WDR49: variants seen among roughly 807,000 people sequenced by gnomAD.
WDR49 encodes cilia- and flagella-associated protein 337.
Under a neutral mutation model 119.5 loss-of-function variants are expected in WDR49, and 107 were observed. The observed-to-expected ratio is 0.90, with a 90% CI of 0.77 to 1.05. The LOEUF (loss-of-function observed/expected upper bound fraction) is 1.05, where lower values mean the gene tolerates loss of function less well. Among genes scored for constraint, WDR49 ranks in the 50% least tolerant of loss-of-function variants. The pLI is 0.00. For missense variants in WDR49, 1,240 were observed against 1,220.5 expected (o/e 1.02, Z -0.24); for synonymous variants, 425 against 418.8 (o/e 1.01, Z -0.18).
Position 167,525,858 on chromosome 3 carries a change from C to CA in WDR49, c.2604+1961dup, listed in dbSNP as rs199969104. ...TTTTTTTGTTAAACAAACAAACAAA[C>CA]AACAAAAAAAAACTTCCCTTTTCTC... On this transcript the variant is annotated intron_variant, in intron 15 of 18. Transcript: ENST00000682715. Among the ~76,000 whole-genome samples, 209 of 6,856 alleles carry CA rather than the reference C, an allele frequency of 0.03. 4 individuals are homozygous for CA. The East Asian group carries it at 0.45, about 15-fold the overall frequency. The allele number at this position is 6,856 out of a possible 152,430, so 4.5% of individuals were successfully genotyped here. A position where few individuals can be genotyped will look rare whatever the true frequency, so the allele number is the denominator to read the frequency against.
At chr3:167,613,677 G>T (rs1716454432) in intron 5 of WDR49, among the ~76,000 whole-genome samples, 1 of 152,164 alleles carries the variant, frequency 6.6e-6, no homozygotes, top group South Asian at 2.1e-4. Flanking sequence ...GGTTGTGGTG[G>T]CTCACACCTG....
At chr3:167,650,097 C>T (rs1261873564) in intron 2 of WDR49, among the ~76,000 whole-genome samples, 3 of 152,058 alleles carry the variant, frequency 2.0e-5, no homozygotes, top group Non-Finnish European at 4.4e-5. Context: ...CACTCAGAAC[C>T]TACATAGCCA....
At chr3:167,612,771 T>A (rs1186813668) in intron 5 of WDR49, among the ~76,000 whole-genome samples, 1 of 151,112 alleles carries the variant, frequency 6.6e-6, no homozygotes, top group African/African-American at 2.5e-5. Flanking sequence ...TGGGAAGAAA[T>A]CTTGTGTTAA....
intron 2 of WDR49, among the ~76,000 whole-genome samples, chr3:167,635,601 A>G (rs1028016524): frequency 6.6e-6 from 1 of 151,724 alleles, no homozygotes; most frequent in East Asian, 1.9e-4. Context: ...ACAAGATAAA[A>G]GTCCCAGTTT....
At position 167,602,259 on chromosome 3, in the gene WDR49, G is replaced by A; in HGVS notation, c.1143C>T (p.Asn381=). 1 of 1,581,076 alleles carries A rather than the reference G, an allele frequency of 6.3e-7. No individual in the cohort carries two copies. Among genetic ancestry groups the A allele is most frequent in the Non-Finnish European group, 8.6e-7 (1 of 1,157,304 alleles). Residue 381 remains asparagine, a synonymous_variant, in exon 7 of 19, where the codon AAC becomes AAT. Coordinates refer to ENST00000682715, the MANE Select transcript of WDR49 (RefSeq NM_001366157.1). ...AGGGATTCCAAAGGCAAACTTTATT[G>A]TTAATGCCAGCAGTTGCTAATCAGA... is the stretch of plus-strand genomic sequence containing the variant. ...RLNLIATAGI[N]NKVCLWNPYV...
chr3:167,578,684 G>A (rs963692516), intron 7 of WDR49, among the ~76,000 whole-genome samples: 12 of 152,058 alleles, frequency 7.9e-5, no homozygotes, highest in Admixed American at 3.3e-4. Context: ...TCTGCTTTAA[G>A]CAAGTCATCC....
At chr3:167,494,923 T>C (rs1751292567) in intron 18 of WDR49, among the ~76,000 whole-genome samples, 2 of 152,164 alleles carry the variant, frequency 1.3e-5, no homozygotes, top group African/African-American at 4.8e-5. Flanking sequence ...AAATCAGAAG[T>C]GGACTAAGCC....
chr3:167,517,043 T>C (rs915092244), intron 16 of WDR49, among the ~76,000 whole-genome samples: 2 of 152,074 alleles, frequency 1.3e-5, no homozygotes, highest in African/African-American at 4.8e-5. Flanking sequence ...GTTAGAATGG[T>C]GAGCATTAAA....
At chr3:167,491,684 C>G (rs902636492) in intron 18 of WDR49, among the ~76,000 whole-genome samples, 6 of 152,136 alleles carry the variant, frequency 3.9e-5, no homozygotes, top group African/African-American at 1.4e-4. Flanking sequence ...AAAGATTTTA[C>G]AGATACAATG....
At chr3:167,500,131 T>A in intron 18 of WDR49, 22 bp downstream of exon 18, 2 of 1,540,072 alleles carry the variant, frequency 1.3e-6, no homozygotes, top group Non-Finnish European at 1.7e-6. Context: ...ATAATAGAGG[T>A]GTATGATGGC....
intron 11 of WDR49, among the ~76,000 whole-genome samples, chr3:167,535,659 T>C (rs938944906): frequency 2.0e-5 from 3 of 152,122 alleles, no homozygotes; most frequent in African/African-American, 7.2e-5. Context: ...GAATGTAAAT[T>C]AGTATAGCCT....
chr3:167,497,132 C>A (rs1259364521), intron 18 of WDR49, among the ~76,000 whole-genome samples: 1 of 152,124 alleles, frequency 6.6e-6, no homozygotes, highest in Admixed American at 6.6e-5. Flanking sequence ...CAGAATGAAT[C>A]GAACTTTTTT....
rs1717157584 is a variant in WDR49, at chr3:167,626,958, C to A, written c.500G>T (p.Trp167Leu). 3 of 1,331,630 alleles carry A rather than the reference C, an allele frequency of 2.3e-6. No individual in the cohort carries two copies. Among genetic ancestry groups the A allele is most frequent in the Non-Finnish European group, 2.9e-6 (3 of 1,042,328 alleles). The allele number at this position is 1,331,630 out of a possible 1,614,324, so 82.5% of individuals were successfully genotyped here. A position where few individuals can be genotyped will look rare whatever the true frequency, so the allele number is the denominator to read the frequency against. The change falls in exon 3 of 19, where the codon TGG becomes TTG. Residue 167 changes from tryptophan (W) to leucine (L), a missense_variant. Trp to Leu is a moderately conservative substitution (Grantham distance 61). Coordinates refer to ENST00000682715, the MANE Select transcript of WDR49 (RefSeq NM_001366157.1). Reference protein sequence around the residue: ...TISKEGLLAIWGEHLKLQETF... With the variant: ...TISKEGLLAILGEHLKLQETF... ...TTCTTGCAGCTTTAAATGCTCTCCC[C>A]AGATTGCCAATAAACCTTCTTTACT... is the stretch of plus-strand genomic sequence containing the variant.
chr3:167,588,602 T>G (rs535611165), intron 7 of WDR49, among the ~76,000 whole-genome samples: 3 of 152,294 alleles, frequency 2.0e-5, no homozygotes, highest in Admixed American at 1.3e-4. Flanking sequence ...TGTTATTGCT[T>G]GTCTTTTGGA....
At chr3:167,647,767 C>G (rs899478741) in intron 2 of WDR49, among the ~76,000 whole-genome samples, 2 of 152,142 alleles carry the variant, frequency 1.3e-5, no homozygotes, top group African/African-American at 4.8e-5. Flanking sequence ...TAAGCTTCAC[C>G]TGTTTACCTT....
At chr3:167,617,209 A>C (rs951888467) in intron 5 of WDR49, among the ~76,000 whole-genome samples, 2 of 152,100 alleles carry the variant, frequency 1.3e-5, no homozygotes, top group Non-Finnish European at 2.9e-5. Flanking sequence ...AGGACGTTTC[A>C]GGAAAAACGT....
intron 7 of WDR49, among the ~76,000 whole-genome samples, chr3:167,600,640 T>C (rs1233251267): frequency 6.6e-6 from 1 of 152,130 alleles, no homozygotes; most frequent in Non-Finnish European, 1.5e-5. Flanking sequence ...ACTAACAATA[T>C]CAGTACAGTA....
At chr3:167,494,689 T>C (rs1751280363) in intron 18 of WDR49, among the ~76,000 whole-genome samples, 1 of 152,146 alleles carries the variant, frequency 6.6e-6, no homozygotes, top group Admixed American at 6.6e-5. Context: ...CATGGGAAAG[T>C]AAATTTGGAA....
chr3:167,621,435 A>G (rs1374503289), intron 4 of WDR49, 32 bp downstream of exon 4: 10 of 1,459,648 alleles, frequency 6.9e-6, no homozygotes, highest in Admixed American at 2.4e-5. Flanking sequence ...GATTAAATCC[A>G]TAGTATTCAA....
Sources: gnomAD v4.1 joint callset for allele counts (sites outside exome capture counted in the v4.1 genomes callset) on GRCh38, gnomAD v4.1.1 for gene constraint, MANE v1.5 for transcripts, NCBI Gene and HGNC (gene_info 2026-07-23, HGNC 2026-07-21) for gene names.